Variants in POLR1A observed in about 807,000 individuals in gnomAD.
POLR1A encodes the protein DNA-directed RNA polymerase I subunit RPA1.
POLR1A carries 84 observed loss-of-function variants against 205.3 expected under a neutral mutation model. The observed-to-expected ratio is 0.41, with a 90% CI of 0.34 to 0.49. The LOEUF is 0.49. Among genes scored for constraint, POLR1A ranks in the 20% least tolerant of loss-of-function variants. POLR1A has a pLI of 0.22. For synonymous variants in POLR1A, 799 were observed against 863.7 expected (o/e 0.93, Z 1.31); for missense variants, 1,645 against 2,204.5 (o/e 0.75, Z 5.08).
At chr2:86,082,177 T>C (rs900427086) in intron 7 of POLR1A, among the ~76,000 whole-genome samples, 1 of 151,994 alleles carries the variant, frequency 6.6e-6, no homozygotes, top group Non-Finnish European at 1.5e-5. Flanking sequence ...CCTGTGTACA[T>C]GACAGTTTGT....
intron 8 of POLR1A, 38 bp downstream of exon 8, chr2:86,081,563 T>C (rs1018686973): frequency 3.0e-6 from 4 of 1,342,238 alleles, no homozygotes; most frequent in Admixed American, 4.0e-5. Context: ...CTTAGTACGC[T>C]TTTTTTCAGG....
At chr2:86,050,577 C>T (rs957237067) in intron 16 of POLR1A, among the ~76,000 whole-genome samples, 15 of 152,208 alleles carry the variant, frequency 9.9e-5, no homozygotes, top group Non-Finnish European at 1.9e-4. Flanking sequence ...TTCTGCAGCC[C>T]TGAGCCTCTG....
In POLR1A at chr2:86,097,214, C is replaced by CAAAAAAAAAAAAAAAAAAAAAAAAAA. The variant is rs757210116; in HGVS notation, c.432+1371_432+1396dup. ...CATTAGGATGGCTATCCCCAAAAGA[C>CAAAAAAAAAAAAAAAAAAAAAAAAAA]AAAAAAAAAAAAAAAAAAAAAAAAA... is the stretch of plus-strand genomic sequence containing the variant. On this transcript the variant is annotated intron_variant, in intron 3 of 33. Coordinates refer to ENST00000263857, the MANE Select transcript of POLR1A (RefSeq NM_015425.6). 8.8e-4 allele frequency among the ~76,000 whole-genome samples: 35 copies of CAAAAAAAAAAAAAAAAAAAAAAAAAA among 39,692 alleles called. 7 individuals are homozygous for CAAAAAAAAAAAAAAAAAAAAAAAAAA. Among genetic ancestry groups the CAAAAAAAAAAAAAAAAAAAAAAAAAA allele is most frequent in the African/African-American group, 3.3e-3 (33 of 10,110 alleles). The allele number at this position is 39,692 out of a possible 152,430, so 26.0% of individuals were successfully genotyped here. A position where few individuals can be genotyped will look rare whatever the true frequency, so the allele number is the denominator to read the frequency against.
In POLR1A at chr2:86,022,928, C is replaced by T. The variant is rs1558757602; in HGVS notation, c.*4495G>A. Reference sequence around the variant, plus strand: ...TAAGACGGAGTCTCACTCTGTTGCCCAGGCTGGAGTGACATAATCTCGGCT... The same window carrying T: ...TAAGACGGAGTCTCACTCTGTTGCCTAGGCTGGAGTGACATAATCTCGGCT... On this transcript the variant is annotated 3_prime_UTR_variant, in exon 34 of 34. Coordinates refer to ENST00000263857, the MANE Select transcript of POLR1A (RefSeq NM_015425.6). 6.6e-6 allele frequency: 1 copy of T among 152,062 alleles called. No individual in the cohort carries two copies. The highest frequency in any genetic ancestry group is 1.5e-5 in the Non-Finnish European group (1 of 68,038). The allele number at this position is 152,062 out of a possible 1,614,324, so 9.4% of individuals were successfully genotyped here.
chr2:86,081,760 A>G (rs1673406144), intron 7 of POLR1A, 54 bp from the exon 8 acceptor site: 3 of 997,678 alleles, frequency 3.0e-6, no homozygotes, highest in Non-Finnish European at 4.7e-6. Flanking sequence ...CACTAAGGGC[A>G]TGGGAGGACA....
At chr2:86,085,022 C>T (rs1173113127) in intron 6 of POLR1A, among the ~76,000 whole-genome samples, 3 of 152,216 alleles carry the variant, frequency 2.0e-5, no homozygotes, top group Non-Finnish European at 4.4e-5. Flanking sequence ...AGTGCAGTGG[C>T]ACGATCTTCG....
chr2:86,040,671 T>C, intron 24 of POLR1A, 112 bp from the exon 25 acceptor site: 2 of 832,892 alleles, frequency 2.4e-6, no homozygotes, highest in Non-Finnish European at 3.6e-6. Context: ...TACCTCTTTC[T>C]GGACTCGTTT....
Position 86,023,103 on chromosome 2 carries a change from A to G in POLR1A, c.*4320T>C, listed in dbSNP as rs1372081502. 1 of 152,236 alleles carries G rather than the reference A, an allele frequency of 6.6e-6. No individual in the cohort carries two copies. Among genetic ancestry groups the G allele is most frequent in the African/African-American group, 2.4e-5 (1 of 41,458 alleles). The allele number at this position is 152,236 out of a possible 1,614,324, so 9.4% of individuals were successfully genotyped here. A position where few individuals can be genotyped will look rare whatever the true frequency, so the allele number is the denominator to read the frequency against. On this transcript the variant is annotated 3_prime_UTR_variant, in exon 34 of 34. Transcript: ENST00000263857. ...CTAAGGTCCAAAACTGAGAGCCTCTAAGTGGACTTTGGACGGAAGTGGGGT... is the reference window on the plus strand; with the variant it reads ...CTAAGGTCCAAAACTGAGAGCCTCTGAGTGGACTTTGGACGGAAGTGGGGT...
At chr2:86,034,490 C>A (rs1425426005) in intron 27 of POLR1A, among the ~76,000 whole-genome samples, 2 of 152,356 alleles carry the variant, frequency 1.3e-5, no homozygotes, top group South Asian at 2.1e-4. Context: ...AAGCTCAGAA[C>A]CTGGCCCCCT....
Position 86,070,003 on chromosome 2 carries a change from C to A in POLR1A, c.1866+15G>T, listed in dbSNP as rs1231899172. On this transcript the variant is annotated intron_variant, in intron 13 of 33. Coordinates refer to ENST00000263857, the MANE Select transcript of POLR1A (RefSeq NM_015425.6). This position sits in a 1 kb window ranked among gnomAD's most constrained non-coding sequence, Gnocchi z 4.4. ...GCTGACGATGACCACGGAACAGCCTCAAGGCCAGACCTACCTTGGGAACAA... is the reference window on the plus strand; with the variant it reads ...GCTGACGATGACCACGGAACAGCCTAAAGGCCAGACCTACCTTGGGAACAA... 1 of 1,608,846 alleles carries A rather than the reference C, an allele frequency of 6.2e-7. No individual in the cohort carries two copies. Among genetic ancestry groups the A allele is most frequent in the Admixed American group, 1.7e-5 (1 of 59,934 alleles).
chr2:86,091,957 T>C lies in POLR1A; in HGVS notation c.433-2028A>G, dbSNP rs546856252. ...GGTGACACCCCATCTCTACTAAAAA[T>C]ACAAAAAATTAGCTGGGCATGGTGG... On this transcript the variant is annotated intron_variant, in intron 3 of 33. Transcript: ENST00000263857. Among the ~76,000 whole-genome samples the C allele has an allele frequency of 3.3e-5, 5 of 151,838 alleles. No individual in the cohort carries two copies. The South Asian group carries it at 8.3e-4, about 25-fold the overall frequency.
chr2:86,094,341 A>C (rs1167801384), intron 3 of POLR1A, among the ~76,000 whole-genome samples: 5 of 152,204 alleles, frequency 3.3e-5, no homozygotes, highest in Non-Finnish European at 7.3e-5. Flanking sequence ...ACTTAGTATC[A>C]TCATTTATTA....
rs1450112788 is a variant in POLR1A, at chr2:86,078,191, G to A, written c.1180C>T (p.Leu394Phe). 1.2e-6 allele frequency: 2 copies of A among 1,613,420 alleles called. No individual in the cohort carries two copies. Among genetic ancestry groups the A allele is most frequent in the East Asian group, 2.2e-5 (1 of 44,884 alleles). ...AACACAATATTGACGTGGCTCTGAA[G>A]GCGAATCCAAATGTTGTAAAGTTTG... The part of the protein sequence containing the change: ...IDKLYNIWIR[L>F]QSHVNIVFDS... The change falls in exon 10 of 34, where the codon CTT (leucine) becomes TTT (phenylalanine). Residue 394 changes from leucine (L) to phenylalanine (F), a missense_variant. Transcript: ENST00000263857.
chr2:86,032,461 C>A (rs1041899183), intron 28 of POLR1A, 79 bp from the exon 29 acceptor site: 1 of 922,276 alleles, frequency 1.1e-6, no homozygotes, highest in Non-Finnish European at 1.8e-6. Context: ...ACCCACCAAC[C>A]CATCCATCCA....
intron 10 of POLR1A, 30 bp downstream of exon 10, chr2:86,078,084 C>T (rs755043823): frequency 1.2e-6 from 2 of 1,612,776 alleles, no homozygotes; most frequent in Admixed American, 1.7e-5. Context: ...TCTTCTGTAG[C>T]TAGCAATGGG....
chr2:86,082,770 G>A (rs192874949), intron 7 of POLR1A, among the ~76,000 whole-genome samples: 2 of 152,188 alleles, frequency 1.3e-5, no homozygotes, highest in South Asian at 2.1e-4. Context: ...TTTTACTTAC[G>A]GGCATTTAAA....
intron 13 of POLR1A, among the ~76,000 whole-genome samples, chr2:86,068,391 G>C (rs554152231): frequency 8.6e-6 from 1 of 116,494 alleles, no homozygotes; most frequent in African/African-American, 3.3e-5. Flanking sequence ...ATGGGCGGGG[G>C]GGGGGGGCGG....
At chr2:86,035,022 C>T (rs1288360977) in intron 27 of POLR1A, among the ~76,000 whole-genome samples, 1 of 152,116 alleles carries the variant, frequency 6.6e-6, no homozygotes, top group Middle Eastern at 3.2e-3. Context: ...AGGCATGCAC[C>T]ACCATGCCCG....
chr2:86,058,088 T>TACTCTCTCTA (rs554447440), intron 14 of POLR1A, among the ~76,000 whole-genome samples: 1 of 152,002 alleles, frequency 6.6e-6, no homozygotes, highest in East Asian at 1.9e-4. Context: ...TACTCTACTC[T>TACTCTCTCTA]CTCTACTCTA....
Sources: gnomAD v4.1 joint callset for allele counts (sites outside exome capture counted in the v4.1 genomes callset) on GRCh38, gnomAD v4.1.1 for gene constraint, Gnocchi (gnomAD v3.1) non-coding constraint, MANE v1.5 for transcripts, NCBI Gene and HGNC (gene_info 2026-07-23, HGNC 2026-07-21) for gene names.